CHFR: variants seen among roughly 807,000 people sequenced by gnomAD.
CHFR encodes E3 ubiquitin-protein ligase CHFR.
A neutral mutation model predicts 87.6 loss-of-function variants in CHFR; 57 were observed. That is an observed-to-expected ratio of 0.65 (90% CI 0.53 to 0.81). The LOEUF is 0.81. Ranked by LOEUF, CHFR falls within the 30% of genes least tolerant of loss-of-function variation. The pLI is 0.00. For synonymous variants in CHFR, 381 were observed against 359.2 expected (o/e 1.06, Z -0.69); for missense variants, 797 against 865.8 (o/e 0.92, Z 1.00).
At chr12:132,875,325 T>A (rs1262320269) in intron 3 of CHFR, among the ~76,000 whole-genome samples, 1 of 152,186 alleles carries the variant, frequency 6.6e-6, no homozygotes, top group Non-Finnish European at 1.5e-5. Flanking sequence ...GAAGACCACC[T>A]GCCACTTGCA....
At position 132,835,490 on chromosome 12, in the gene CHFR, A is replaced by AATG. The variant is rs1303162508; in HGVS notation, c.*6061_*6063dup. ...GTCTTTAAAGAGGTGATTAAGATAA[A>AATG]ATGAGGCCACTGGTGTGGGCCCTAA... is the stretch of plus-strand genomic sequence containing the variant. On this transcript the variant is annotated 3_prime_UTR_variant, in exon 18 of 18. Transcript: ENST00000450056. The AATG allele has an allele frequency of 6.4e-6, 1 of 155,066 alleles. No homozygotes were observed. Among genetic ancestry groups the AATG allele is most frequent in the African/African-American group, 2.4e-5 (1 of 41,404 alleles). 9.6% of individuals were successfully genotyped at this position (155,066 alleles called of 1,614,324 possible). A position where few individuals can be genotyped will look rare whatever the true frequency, so the allele number is the denominator to read the frequency against.
intron 6 of CHFR, chr12:132,862,442 A>T (rs1026861151): frequency 1.1e-5 from 5 of 452,640 alleles, no homozygotes; most frequent in Admixed American, 2.4e-5. Context: ...AAAATACAAA[A>T]AAGAAAAAAA....
rs1442757448 is a variant in CHFR at position 132,838,858 on chromosome 12, G to C, written c.*2696C>G. ...CACAGCTCCTTACCACACCCGAGGA[G>C]TAACTGCCCTGATCTCCCTGCCTCC... On this transcript the variant is annotated 3_prime_UTR_variant, in exon 18 of 18. Transcript: ENST00000450056. 4 of 152,442 alleles carry C rather than the reference G, an allele frequency of 2.6e-5. No individual in the cohort carries two copies. The South Asian group carries it at 6.2e-4, about 24-fold the overall frequency. The allele number at this position is 152,442 out of a possible 1,614,324, so 9.4% of individuals were successfully genotyped here.
intron 15 of CHFR, among the ~76,000 whole-genome samples, chr12:132,846,263 CTTT>C (rs10573381): frequency 6.4e-4 from 82 of 127,844 alleles, no homozygotes; most frequent in South Asian, 3.1e-3. Context: ...GCTTAACTGT[CTTT>C]TTTTTTTTTT....
intron 10 of CHFR, 44 bp downstream of exon 10, chr12:132,856,424 C>G (rs756987993): frequency 6.2e-7 from 1 of 1,607,546 alleles, no homozygotes; most frequent in East Asian, 2.2e-5. Context: ...TTGTGATGCT[C>G]CTCTGGCTCA....
chr12:132,856,761 C>T (rs576589946), intron 9 of CHFR, 131 bp from the exon 10 acceptor site: 41 of 1,028,566 alleles, frequency 4.0e-5, no homozygotes, highest in African/African-American at 7.8e-5. Context: ...CTCACGTGCC[C>T]GGGTGCTGGT....
At position 132,868,743 on chromosome 12, in the gene CHFR, A is replaced by G. The variant is rs957264479; in HGVS notation, c.583+876T>C. 2.0e-5 allele frequency among the ~76,000 whole-genome samples: 3 copies of G among 151,130 alleles called. No individual in the cohort carries two copies. The East Asian group carries it at 5.9e-4, about 30-fold the overall frequency. ...TGAAGTGTCTAGAACAGAAAAATCC[A>G]GAGGCCGAAAGCACACGCAGCTGCC... On this transcript the variant is annotated intron_variant, in intron 6 of 17. Transcript: ENST00000450056.
rs184356439 is a variant in CHFR, at chr12:132,832,469, G to T, written c.*9085C>A. 1.8e-4 allele frequency: 27 copies of T among 152,248 alleles called. No homozygotes were observed. Among genetic ancestry groups the T allele is most frequent in the African/African-American group, 6.5e-4 (27 of 41,536 alleles). The allele number at this position is 152,248 out of a possible 1,614,324, so 9.4% of individuals were successfully genotyped here. A position where few individuals can be genotyped will look rare whatever the true frequency, so the allele number is the denominator to read the frequency against. On this transcript the variant is annotated 3_prime_UTR_variant, in exon 18 of 18. Coordinates refer to ENST00000450056, the MANE Select transcript of CHFR (RefSeq NM_001161346.2). Reference sequence around the variant, plus strand: ...ATATTTTTAAATAACAAAAAGAGTGGAACTGGAATGTTCCTAACAAAGAAA... The same window carrying T: ...ATATTTTTAAATAACAAAAAGAGTGTAACTGGAATGTTCCTAACAAAGAAA...
At chr12:132,855,788 C>G (rs549268530) in intron 10 of CHFR, among the ~76,000 whole-genome samples, 1 of 152,178 alleles carries the variant, frequency 6.6e-6, no homozygotes, top group South Asian at 2.1e-4. Context: ...TTTTGGTTTC[C>G]TTCTTTTTGC....
chr12:132,874,621 G>A (rs1951578479), intron 3 of CHFR, among the ~76,000 whole-genome samples: 1 of 99,844 alleles, frequency 1.0e-5, no homozygotes, highest in Non-Finnish European at 2.5e-5. Flanking sequence ...GGACTGCCCA[G>A]GACCAGCACC....
At position 132,838,324 on chromosome 12, in the gene CHFR, TCA is replaced by T. The variant is rs1274044835; in HGVS notation, c.*3228_*3229del. ...AGGGAGGAGGGTTGGCCTGAATCCCTCAGTCTGTTTTAAGCCAATCTGCCCAG... is the reference window on the plus strand; with the variant it reads ...AGGGAGGAGGGTTGGCCTGAATCCCTGTCTGTTTTAAGCCAATCTGCCCAG... On this transcript the variant is annotated 3_prime_UTR_variant, in exon 18 of 18. Coordinates refer to ENST00000450056, the MANE Select transcript of CHFR (RefSeq NM_001161346.2). The T allele has an allele frequency of 1.3e-5, 2 of 152,264 alleles. No individual in the cohort carries two copies. Among genetic ancestry groups the T allele is most frequent in the African/African-American group, 2.4e-5 (1 of 41,446 alleles). The allele number at this position is 152,264 out of a possible 1,614,324, so 9.4% of individuals were successfully genotyped here. A position where few individuals can be genotyped will look rare whatever the true frequency, so the allele number is the denominator to read the frequency against.
chr12:132,868,604 T>C (rs542436315), intron 6 of CHFR, among the ~76,000 whole-genome samples: 58 of 152,070 alleles, frequency 3.8e-4, no homozygotes, highest in African/African-American at 1.4e-3. Flanking sequence ...GGCGTGAACC[T>C]GGGAGGCGGA....
intron 3 of CHFR, 123 bp from the exon 4 acceptor site, chr12:132,872,517 G>T (rs1343074698): frequency 2.3e-5 from 15 of 648,496 alleles, no homozygotes; most frequent in Non-Finnish European, 3.9e-5. Flanking sequence ...TAGGAACAGT[G>T]TAAATACGTA....
chr12:132,833,976 C>T lies in CHFR; in HGVS notation c.*7578G>A, dbSNP rs190443816. 6.6e-6 allele frequency: 1 copy of T among 152,308 alleles called. No homozygotes were observed. 9.4% of individuals were successfully genotyped at this position (152,308 alleles called of 1,614,324 possible). A position where few individuals can be genotyped will look rare whatever the true frequency, so the allele number is the denominator to read the frequency against. Reference sequence around the variant, plus strand: ...GTGACAAGGAGGACCAATGCACGCACAGATCTGGGAGAAGAGCAGTGAGGT... The same window carrying T: ...GTGACAAGGAGGACCAATGCACGCATAGATCTGGGAGAAGAGCAGTGAGGT... On this transcript the variant is annotated 3_prime_UTR_variant, in exon 18 of 18. Coordinates refer to ENST00000450056, the MANE Select transcript of CHFR (RefSeq NM_001161346.2).
chr12:132,862,445 G>GA (rs751902652), intron 6 of CHFR: 72 of 444,162 alleles, frequency 1.6e-4, no homozygotes, highest in East Asian at 6.4e-4. Flanking sequence ...ATACAAAAAA[G>GA]AAAAAAAAAT....
chr12:132,853,333 C>T, intron 11 of CHFR, 98 bp downstream of exon 11: 6 of 1,287,712 alleles, frequency 4.7e-6, no homozygotes, highest in Non-Finnish European at 6.1e-6. Flanking sequence ...GCAGTGCAGA[C>T]AGGAGGCGGG....
At chr12:132,869,848 G>A (rs1263413716) in intron 5 of CHFR, 50 bp from the exon 6 acceptor site, 11 of 1,546,914 alleles carry the variant, frequency 7.1e-6, no homozygotes, top group Non-Finnish European at 8.7e-6. Context: ...TAACCCAAAA[G>A]GAGCAGAAGC....
chr12:132,852,271 A>C (rs1047603267), intron 11 of CHFR, among the ~76,000 whole-genome samples: 2 of 152,008 alleles, frequency 1.3e-5, no homozygotes, highest in African/African-American at 4.8e-5. Context: ...TACAGGCATG[A>C]GCCACCGTGC....
At chr12:132,862,754 G>A (rs112336814) in intron 6 of CHFR, among the ~76,000 whole-genome samples, 23,032 of 150,784 alleles carry the variant, frequency 0.15, 2,250 homozygotes, top group South Asian at 0.22. Flanking sequence ...TAATTTTTTT[G>A]TATTTTTAGT....
Sources: allele counts gnomAD v4.1 joint callset (sites outside exome capture counted in the v4.1 genomes callset), GRCh38; gene constraint gnomAD v4.1.1; transcripts MANE v1.5; gene names NCBI Gene and HGNC (gene_info 2026-07-23, HGNC 2026-07-21).